Variants in CAPN12 observed in about 807,000 individuals in gnomAD.
CAPN12 encodes calpain-12.
In CAPN12, 107 loss-of-function variants were observed where a neutral mutation model predicts 95.0. The observed-to-expected ratio is 1.13, with a 90% confidence interval of 0.96 to 1.32. The LOEUF is 1.32. Among genes scored for constraint, CAPN12 ranks in the 40% most tolerant of loss-of-function variants. CAPN12 has a pLI of 0.00. For missense variants in CAPN12, 1,136 were observed against 997.8 expected (o/e 1.14, Z -1.87); for synonymous variants, 505 against 415.5 (o/e 1.22, Z -2.62).
intron 1 of CAPN12, 146 bp downstream of exon 1, chr19:38,743,783 T>A: frequency 1.5e-6 from 1 of 656,344 alleles, no homozygotes; most frequent in Non-Finnish European, 2.4e-6. Context: ...CCCTCCTCCC[T>A]CAGACCTAAG....
At position 38,736,163 on chromosome 19, in the gene CAPN12, G is replaced by A. The variant is rs201698633; in HGVS notation, c.1530C>T (p.Gly510=). Residue 510 remains glycine (G), a synonymous_variant, in exon 12 of 21, where the codon GGC becomes GGT. Transcript: ENST00000328867. ...CACGCAGAGTGAAGTCAGCCTCGTC[G>A]CCGGCGTGGGCGGTGCTCGGCACCA... ...YLVVPSTAHA[G]DEADFTLRVF... 2,931 of 1,513,812 alleles carry A rather than the reference G, an allele frequency of 1.9e-3. 56 individuals are homozygous for A. In the African/African-American group the frequency reaches 0.038, roughly 20 times the overall value. The allele number at this position is 1,513,812 out of a possible 1,614,324, so 93.8% of individuals were successfully genotyped here. A position where few individuals can be genotyped will look rare whatever the true frequency, so the allele number is the denominator to read the frequency against.
At chr19:38,735,029 G>C (rs1165252045) in intron 14 of CAPN12, 159 bp from the exon 15 acceptor site, 2 of 668,792 alleles carry the variant, frequency 3.0e-6, no homozygotes, top group Non-Finnish European at 5.1e-6. Context: ...GCTGTGACGG[G>C]GGAAGCACTG....
intron 3 of CAPN12, 22 bp downstream of exon 3, chr19:38,742,388 G>T: frequency 6.5e-7 from 1 of 1,530,940 alleles, no homozygotes; most frequent in Non-Finnish European, 9.1e-7. Flanking sequence ...ACGGAGGCAT[G>T]GGCAGAGGAA....
At chr19:38,735,346 C>A in intron 14 of CAPN12, 24 bp downstream of exon 14, 1 of 1,546,514 alleles carries the variant, frequency 6.5e-7, no homozygotes. Context: ...CGGGATACCC[C>A]CTCAGTCCAA....
intron 1 of CAPN12, among the ~76,000 whole-genome samples, chr19:38,743,721 A>AGG (rs1970720911): frequency 9.2e-6 from 1 of 108,166 alleles, no homozygotes. Context: ...CCTCAGACCC[A>AGG]AGAGTCCAGG....
At chr19:38,734,068 G>GGCA (rs1289924439) in intron 17 of CAPN12, 74 bp downstream of exon 17, 1 of 1,534,838 alleles carries the variant, frequency 6.5e-7, no homozygotes, top group African/African-American at 1.4e-5. Flanking sequence ...GGACCTGATA[G>GGCA]CCCACAGGGT....
intron 17 of CAPN12, 111 bp downstream of exon 17, chr19:38,734,031 C>T (rs1969826483): frequency 1.1e-5 from 13 of 1,216,400 alleles, no homozygotes; most frequent in African/African-American, 1.5e-5. Flanking sequence ...CCAAGTCAGC[C>T]TAGTCCAGTA....
intron 18 of CAPN12, 85 bp from the exon 19 acceptor site, chr19:38,731,308 CA>C: frequency 9.9e-7 from 1 of 1,006,276 alleles, no homozygotes; most frequent in Non-Finnish European, 1.6e-6. Context: ...TCAGGGAGGA[CA>C]TGAATGCCAC....
rs182112179 is a variant in CAPN12, at chr19:38,734,056, G to A, written c.1878+86C>T. On this transcript the variant is annotated intron_variant, in intron 17 of 20. Transcript: ENST00000328867. ...CTAGTCCAGTACCCCCTCGTTCCCT[G>A]GGGACCTGATAGCCCACAGGGTGCC... 62 of 1,460,484 alleles carry A rather than the reference G, an allele frequency of 4.2e-5. No homozygotes were observed. In the Admixed American group the frequency reaches 8.6e-4, roughly 20 times the overall value. The allele number at this position is 1,460,484 out of a possible 1,614,324, so 90.5% of individuals were successfully genotyped here. A position where few individuals can be genotyped will look rare whatever the true frequency, so the allele number is the denominator to read the frequency against.
At chr19:38,739,977 C>T in intron 5 of CAPN12, 74 bp downstream of exon 5, 1 of 1,423,226 alleles carries the variant, frequency 7.0e-7, no homozygotes, top group East Asian at 2.5e-5. Context: ...AGGAAGCACT[C>T]CGCCCACCCC....
chr19:38,736,330 G>A lies in CAPN12; in HGVS notation c.1375-12C>T, dbSNP rs945026577. ...CAGAGGCCCAGCAGCTGGGGACGGGGCGGCATGACCACGGACCAGGCTCAC... is the reference window on the plus strand; with the variant it reads ...CAGAGGCCCAGCAGCTGGGGACGGGACGGCATGACCACGGACCAGGCTCAC... On this transcript the variant is annotated splice_polypyrimidine_tract_variant and intron_variant, in intron 11 of 20. Coordinates refer to ENST00000328867, the MANE Select transcript of CAPN12 (RefSeq NM_144691.4). The A allele has an allele frequency of 1.4e-6, 2 of 1,449,958 alleles. No individual in the cohort carries two copies. The highest frequency in any genetic ancestry group is 2.9e-5 in the African/African-American group (2 of 68,122). 89.8% of individuals were successfully genotyped at this position (1,449,958 alleles called of 1,614,324 possible). A position where few individuals can be genotyped will look rare whatever the true frequency, so the allele number is the denominator to read the frequency against.
rs1294132368 is a variant in CAPN12, at chr19:38,737,152, T to C, written c.1362+4A>G. ...TCCAGCCTCAGCTTTGCCCAGGACC[T>C]CACCTGGAACACGTGGAAGCCAACG... On this transcript the variant is annotated splice_donor_region_variant and intron_variant, in intron 10 of 20. Coordinates refer to ENST00000328867, the MANE Select transcript of CAPN12 (RefSeq NM_144691.4). 2.3e-6 allele frequency: 3 copies of C among 1,318,754 alleles called. No homozygotes were observed. Among genetic ancestry groups the C allele is most frequent in the East Asian group, 4.5e-5 (1 of 22,322 alleles). The allele number at this position is 1,318,754 out of a possible 1,614,324, so 81.7% of individuals were successfully genotyped here. A position where few individuals can be genotyped will look rare whatever the true frequency, so the allele number is the denominator to read the frequency against.
At chr19:38,739,447 T>TC (rs1970414408) in intron 5 of CAPN12, 2 of 34,642 alleles carry the variant, frequency 5.8e-5, no homozygotes, top group South Asian at 1.1e-3. Flanking sequence ...AGATTCCGTC[T>TC]CAAAAAAAAA....
At chr19:38,733,911 C>T in intron 17 of CAPN12, 130 bp from the exon 18 acceptor site, 1 of 844,804 alleles carries the variant, frequency 1.2e-6, no homozygotes, top group Non-Finnish European at 1.9e-6. Context: ...CAGCAAGCAG[C>T]CTAGCCACTT....
At chr19:38,737,755 T>G (rs1970305527) in intron 8 of CAPN12, 117 bp from the exon 9 acceptor site, 1 of 1,319,500 alleles carries the variant, frequency 7.6e-7, no homozygotes, top group Non-Finnish European at 1.0e-6. Context: ...TCAAATACCC[T>G]TCAGGCTCCA....
At position 38,730,453 on chromosome 19, in the gene CAPN12, A is replaced by C; in HGVS notation, c.*399T>G. On this transcript the variant is annotated 3_prime_UTR_variant, in exon 21 of 21. Coordinates refer to ENST00000328867, the MANE Select transcript of CAPN12 (RefSeq NM_144691.4). The stretch of plus-strand genomic sequence containing the variant: ...ACCTTTTTTTTTTGAGTTTATTCTG[A>C]TTGATTTTTTTTCTTGGTTTCTGGA... The C allele has an allele frequency of 4.9e-6, 1 of 204,374 alleles. No homozygotes were observed. Among genetic ancestry groups the C allele is most frequent in the South Asian group, 8.5e-5 (1 of 11,806 alleles). 12.7% of individuals were successfully genotyped at this position (204,374 alleles called of 1,614,324 possible).
intron 18 of CAPN12, 72 bp from the exon 19 acceptor site, chr19:38,731,295 T>A: frequency 2.5e-6 from 3 of 1,188,408 alleles, no homozygotes; most frequent in Non-Finnish European, 3.7e-6. Flanking sequence ...CCACCCCACC[T>A]CCTCAGGGAG....
At chr19:38,731,319 C>T (rs1233226646) in intron 18 of CAPN12, 96 bp from the exon 19 acceptor site, 5 of 895,510 alleles carry the variant, frequency 5.6e-6, no homozygotes, top group Non-Finnish European at 9.1e-6. Flanking sequence ...ATGAATGCCA[C>T]AGGGTGTCAC....
intron 3 of CAPN12, 29 bp from the exon 4 acceptor site, chr19:38,741,939 C>G (rs1356145942): frequency 1.2e-6 from 2 of 1,609,076 alleles, no homozygotes; most frequent in Non-Finnish European, 1.7e-6. Context: ...GGGCCGGACT[C>G]GGCTTCCAAC....
Sources: gnomAD v4.1 joint callset for allele counts (sites outside exome capture counted in the v4.1 genomes callset) on GRCh38, gnomAD v4.1.1 for gene constraint, MANE v1.5 for transcripts, NCBI Gene and HGNC (gene_info 2026-07-23, HGNC 2026-07-21) for gene names.